KMT2C: variants seen among roughly 807,000 people sequenced by gnomAD.
KMT2C encodes the protein histone-lysine N-methyltransferase 2C.
A neutral mutation model predicts 507.9 loss-of-function variants in KMT2C; 88 were observed. The observed-to-expected ratio is 0.17, with a 90% CI of 0.15 to 0.21. KMT2C has a LOEUF of 0.21. KMT2C is among the 10% of genes least tolerant of loss of function. KMT2C has a pLI of 1.00. For synonymous variants in KMT2C, 2,049 were observed against 2,080.8 expected, an observed-to-expected ratio of 0.98 and a Z score of 0.42; for missense variants, 4,954 against 5,957.8, an observed-to-expected ratio of 0.83 and a Z score of 5.55.
At chr7:152,345,902 T>C (rs925781906) in intron 2 of KMT2C, among the ~76,000 whole-genome samples, 1 of 152,104 alleles carries the variant, frequency 6.6e-6, no homozygotes, top group Admixed American at 6.6e-5. Flanking sequence ...TAAAGATACA[T>C]ACGGATAAGA....
At chr7:152,343,006 C>G (rs2097013064) in intron 2 of KMT2C, among the ~76,000 whole-genome samples, 1 of 152,118 alleles carries the variant, frequency 6.6e-6, no homozygotes, top group Non-Finnish European at 1.5e-5. Flanking sequence ...AGACTTCCCC[C>G]TCCTCCTACA....
At chr7:152,408,328 T>A (rs1021803865) in intron 1 of KMT2C, among the ~76,000 whole-genome samples, 8 of 152,342 alleles carry the variant, frequency 5.3e-5, no homozygotes, top group African/African-American at 1.9e-4. Context: ...GTGGATTTTG[T>A]ACTCTGAATA....
At chr7:152,209,938 C>T (rs1164849308) in intron 23 of KMT2C, among the ~76,000 whole-genome samples, 1 of 152,074 alleles carries the variant, frequency 6.6e-6, no homozygotes, top group Non-Finnish European at 1.5e-5. Context: ...TAATTATCTG[C>T]AGAAGTCATA....
intron 38 of KMT2C, among the ~76,000 whole-genome samples, chr7:152,175,129 C>G (rs142377704): frequency 3.5e-5 from 5 of 143,086 alleles, no homozygotes; most frequent in Admixed American, 7.4e-5. Flanking sequence ...TGGAAAGAAT[C>G]TAAAACTCTT....
intron 4 of KMT2C, among the ~76,000 whole-genome samples, chr7:152,314,881 A>T (rs1005300650): frequency 6.6e-6 from 1 of 152,130 alleles, no homozygotes; most frequent in African/African-American, 2.4e-5. Context: ...TTTTCTTCCA[A>T]AAGTTTAGTT....
At chr7:152,171,618 G>A (rs2129108877) in intron 39 of KMT2C, among the ~76,000 whole-genome samples, 1 of 152,300 alleles carries the variant, frequency 6.6e-6, no homozygotes, top group Middle Eastern at 3.4e-3. Flanking sequence ...GACTAGTAGG[G>A]CTGCAATAAG....
At chr7:152,305,323 A>G (rs1010394994) in intron 6 of KMT2C, among the ~76,000 whole-genome samples, 1 of 152,234 alleles carries the variant, frequency 6.6e-6, no homozygotes, top group Non-Finnish European at 1.5e-5. Context: ...AAGCCTAGCA[A>G]AGGCCTCACT....
In KMT2C at chr7:152,180,063, C is replaced by T; in HGVS notation, c.7213G>A (p.Glu2405Lys). Residue 2405 changes from glutamate (E) to lysine (K), a missense_variant, in exon 37 of 59, where the codon GAG becomes AAG. This residue lies in a region of KMT2C where 1,689 missense variants were observed against 1,654.3 expected (regional missense o/e 1.02). Transcript: ENST00000262189. ...QQQKKIAGRQ[E>K]KGSQDSPAVP... ...GCGGGTGAGTCCTGTGACCCCTTCT[C>T]CTGTCGACCTGCAATCTTCTTCTGC... 2.5e-6 allele frequency: 4 copies of T among 1,614,174 alleles called. No individual in the cohort carries two copies. Among genetic ancestry groups the T allele is most frequent in the Non-Finnish European group, 3.4e-6 (4 of 1,180,032 alleles).
chr7:152,208,000 TA>T (rs2094353665), intron 23 of KMT2C, among the ~76,000 whole-genome samples: 1 of 152,148 alleles, frequency 6.6e-6, no homozygotes, highest in Non-Finnish European at 1.5e-5. Context: ...CACTCTCTAC[TA>T]CCATCTTAGT....
At chr7:152,380,608 C>A (rs62495483) in intron 1 of KMT2C, among the ~76,000 whole-genome samples, 4 of 111,558 alleles carry the variant, frequency 3.6e-5, no homozygotes, top group Non-Finnish European at 5.9e-5. Context: ...CACAGTATTG[C>A]GCACCTGTAT....
chr7:152,251,005 T>C, intron 11 of KMT2C, 39 bp from the exon 12 acceptor site: 2 of 1,167,166 alleles, frequency 1.7e-6, no homozygotes, highest in Admixed American at 1.8e-5. Flanking sequence ...TCAGAATGAG[T>C]TTTTTTCTTT....
At chr7:152,346,337 A>G (rs969058106) in intron 2 of KMT2C, among the ~76,000 whole-genome samples, 5 of 152,222 alleles carry the variant, frequency 3.3e-5, no homozygotes, top group African/African-American at 9.7e-5. Context: ...TCTGAGCCAT[A>G]AAACATACCT....
In KMT2C at chr7:152,255,143, ATACATATATATATATGTG is replaced by A. The variant is rs1307551121; in HGVS notation, c.1300-2446_1300-2429del. Reference sequence around the variant, plus strand: ...TATATATATATATATATATATATATATACATATATATATATGTGTGTGTGTGTGTGTGTGTGTTTTGGA... The same window carrying A: ...TATATATATATATATATATATATATATGTGTGTGTGTGTGTGTGTTTTGGA... On this transcript the variant is annotated intron_variant, in intron 9 of 58. Coordinates refer to ENST00000262189, the MANE Select transcript of KMT2C (RefSeq NM_170606.3). Among the ~76,000 whole-genome samples the A allele has an allele frequency of 2.4e-5, 3 of 122,578 alleles. 1 individual carries two copies. Among genetic ancestry groups the A allele is most frequent in the African/African-American group, 1.1e-4 (3 of 28,348 alleles). 80.4% of individuals were successfully genotyped at this position (122,578 alleles called of 152,430 possible).
At position 152,252,537 on chromosome 7, in the gene KMT2C, T is replaced by C. The variant is rs373399159; in HGVS notation, c.1469+9A>G. ...ACAAAACAACTGAATAGAATAACTA[T>C]CTTCTTACCTTTTGCACATATTACA... is the stretch of plus-strand genomic sequence containing the variant. On this transcript the variant is annotated intron_variant, in intron 10 of 58. Transcript: ENST00000262189. 1 of 1,605,460 alleles carries C rather than the reference T, an allele frequency of 6.2e-7. No individual in the cohort carries two copies. Among genetic ancestry groups the C allele is most frequent in the Non-Finnish European group, 8.5e-7 (1 of 1,173,488 alleles).
chr7:152,206,175 G>A (rs1357489326), intron 24 of KMT2C, among the ~76,000 whole-genome samples: 1 of 152,054 alleles, frequency 6.6e-6, no homozygotes, highest in East Asian at 1.9e-4. Flanking sequence ...TAGAGGTCTG[G>A]TACACAGTCA....
intron 12 of KMT2C, 64 bp from the exon 13 acceptor site, chr7:152,250,017 C>T (rs2095539236): frequency 2.2e-6 from 2 of 927,068 alleles, no homozygotes; most frequent in South Asian, 2.7e-5. Flanking sequence ...GTTCCCTCAA[C>T]AGTAATTTGA....
At chr7:152,315,105 T>A (rs2129202372) in intron 4 of KMT2C, 33 bp downstream of exon 4, 1 of 1,539,418 alleles carries the variant, frequency 6.5e-7, no homozygotes, top group Admixed American at 1.7e-5. Context: ...GCAGTCTTAA[T>A]CTATTCCAAC....
intron 2 of KMT2C, among the ~76,000 whole-genome samples, chr7:152,340,148 A>AT (rs71885303): frequency 0.033 from 4,174 of 127,634 alleles, 107 homozygotes; most frequent in African/African-American, 0.064. Context: ...TCACGCCTGG[A>AT]TTTTTTTTTT....
intron 6 of KMT2C, among the ~76,000 whole-genome samples, chr7:152,281,626 G>A (rs1176676951): frequency 3.9e-4 from 59 of 152,288 alleles, no homozygotes; most frequent in Admixed American, 6.5e-4. Context: ...CAGCTACTTG[G>A]AAGGCTGAGG....
Sources: allele counts gnomAD v4.1 joint callset (sites outside exome capture counted in the v4.1 genomes callset), GRCh38; gene constraint gnomAD v4.1.1; regional missense constraint gnomAD v4.1.1; transcripts MANE v1.5; gene names NCBI Gene and HGNC (gene_info 2026-07-23, HGNC 2026-07-21).